Variants in JADE1 observed in about 807,000 individuals in gnomAD.
The protein encoded by JADE1 is jade family PHD finger 1, also known as protein Jade-1.
In JADE1, 14 loss-of-function variants were observed where a neutral mutation model predicts 81.8. The observed-to-expected ratio is 0.17, with a 90% CI of 0.11 to 0.27. The LOEUF is 0.27. Among genes scored for constraint, JADE1 ranks in the 10% least tolerant of loss-of-function variants. The pLI is 1.00. For missense variants in JADE1, 690 were observed against 1,047.9 expected, an observed-to-expected ratio of 0.66 and a Z score of 4.71; for synonymous variants, 353 against 391.9, an observed-to-expected ratio of 0.90 and a Z score of 1.17.
chr4:128,862,111 C>T lies in JADE1; in HGVS notation c.1389C>T (p.Asn463=). ...AGTTGAAGAGGAAGGTCAACTTCAA[C>T]AAGCCCCTGATCACCCCAAAGAAAG... ...YWKLKRKVNF[N]KPLITPKKDE... The change falls in exon 9 of 11, where the codon AAC becomes AAT. Residue 463 remains asparagine (N), a synonymous_variant. Coordinates refer to ENST00000226319, the MANE Select transcript of JADE1 (RefSeq NM_199320.4). 6.2e-7 allele frequency: 1 copy of T among 1,614,200 alleles called. No individual in the cohort carries two copies.
At chr4:128,842,361 G>A (rs1045033486) in intron 2 of JADE1, among the ~76,000 whole-genome samples, 7 of 150,722 alleles carry the variant, frequency 4.6e-5, no homozygotes, top group Non-Finnish European at 8.8e-5. Context: ...GTGCAGTGAC[G>A]CAGTCTCGGC....
chr4:128,840,721 G>A (rs535249527), intron 2 of JADE1, among the ~76,000 whole-genome samples: 24 of 152,194 alleles, frequency 1.6e-4, no homozygotes, highest in Non-Finnish European at 3.1e-4. Flanking sequence ...TCTGCAGGTT[G>A]GGCTCACCCC....
intron 6 of JADE1, among the ~76,000 whole-genome samples, chr4:128,853,431 T>C (rs1730535301): frequency 6.6e-6 from 1 of 152,212 alleles, no homozygotes; most frequent in Non-Finnish European, 1.5e-5. Flanking sequence ...GAAGACGATT[T>C]CCTGTCTTAA....
chr4:128,866,233 T>C (rs1239159293), intron 9 of JADE1, among the ~76,000 whole-genome samples: 1 of 152,236 alleles, frequency 6.6e-6, no homozygotes, highest in Non-Finnish European at 1.5e-5. Context: ...CCATGTAATA[T>C]TTACTATGAG....
chr4:128,873,256 G>GAAAAAAAAAAAAAAAAAAAAAAAA lies in JADE1; in HGVS notation c.*1010_*1011insAAAAAAAAAAAAAAAAAAAAAAAA, dbSNP rs1296724284. On this transcript the variant is annotated 3_prime_UTR_variant, in exon 11 of 11. Coordinates refer to ENST00000226319, the MANE Select transcript of JADE1 (RefSeq NM_199320.4). ...CATGAATGGATTCCTTAAGAAAAAG[G>GAAAAAAAAAAAAAAAAAAAAAAAA]AAAAAAAAAAAAAAAAGAAAAAAAG... 14 of 28,564 alleles carry GAAAAAAAAAAAAAAAAAAAAAAAA rather than the reference G, an allele frequency of 4.9e-4. No homozygotes were observed. Among genetic ancestry groups the GAAAAAAAAAAAAAAAAAAAAAAAA allele is most frequent in the African/African-American group, 7.1e-4 (6 of 8,414 alleles). 1.8% of individuals were successfully genotyped at this position (28,564 alleles called of 1,614,324 possible).
At chr4:128,849,251 C>A in intron 5 of JADE1, 84 bp downstream of exon 5, 1 of 1,213,226 alleles carries the variant, frequency 8.2e-7, no homozygotes. Context: ...CAGAAAGCTC[C>A]TTATTGCCAG....
At chr4:128,830,077 C>T (rs1385611632) in intron 1 of JADE1, among the ~76,000 whole-genome samples, 2 of 151,424 alleles carry the variant, frequency 1.3e-5, no homozygotes, top group Admixed American at 6.6e-5. Flanking sequence ...AGGGTTTCAC[C>T]GTGTTGGTCA....
Position 128,846,260 on chromosome 4 carries a change from T to C in JADE1, c.139-115T>C. The C allele has an allele frequency of 4.7e-6, 5 of 1,057,122 alleles. No homozygotes were observed. Among genetic ancestry groups the C allele is most frequent in the Non-Finnish European group, 7.1e-6 (5 of 707,092 alleles). 65.5% of individuals were successfully genotyped at this position (1,057,122 alleles called of 1,614,324 possible). On this transcript the variant is annotated intron_variant, in intron 3 of 10. Transcript: ENST00000226319. This position sits in a 1 kb window ranked among gnomAD's most constrained non-coding sequence, Gnocchi z 4.0. The stretch of plus-strand genomic sequence containing the variant: ...TTTCTGTAATAGGTCAGGCTTGTTC[T>C]ATGTTGATACAGTGACCTTGTTACA...
chr4:128,829,699 C>T (rs73846995), intron 1 of JADE1, among the ~76,000 whole-genome samples: 2,104 of 152,076 alleles, frequency 0.014, 48 homozygotes, highest in African/African-American at 0.047. Flanking sequence ...GAGAAAAAAC[C>T]CAAGAAGAGT....
At chr4:128,853,447 A>G (rs958851049) in intron 6 of JADE1, among the ~76,000 whole-genome samples, 1 of 152,218 alleles carries the variant, frequency 6.6e-6, no homozygotes, top group Non-Finnish European at 1.5e-5. Context: ...CTTAAAAAAC[A>G]GGACAGTAGG....
intron 6 of JADE1, among the ~76,000 whole-genome samples, chr4:128,852,603 A>G (rs1730449272): frequency 6.6e-6 from 1 of 152,254 alleles, no homozygotes; most frequent in Non-Finnish European, 1.5e-5. Context: ...TATTAAGAAC[A>G]CTGAGAAAAC....
intron 1 of JADE1, among the ~76,000 whole-genome samples, chr4:128,825,574 A>G (rs868429468): frequency 1.1e-4 from 17 of 152,150 alleles, no homozygotes; most frequent in South Asian, 2.1e-4. Context: ...GTGCCTTGCT[A>G]TCTCATGTGC....
At position 128,846,273 on chromosome 4, in the gene JADE1, T is replaced by G; in HGVS notation, c.139-102T>G. 8.5e-7 allele frequency: 1 copy of G among 1,177,216 alleles called. No individual in the cohort carries two copies. Among genetic ancestry groups the G allele is most frequent in the South Asian group, 1.4e-5 (1 of 73,126 alleles). The allele number at this position is 1,177,216 out of a possible 1,614,324, so 72.9% of individuals were successfully genotyped here. On this transcript the variant is annotated intron_variant, in intron 3 of 10. Coordinates refer to ENST00000226319, the MANE Select transcript of JADE1 (RefSeq NM_199320.4). This position sits in a 1 kb window ranked among gnomAD's most constrained non-coding sequence, Gnocchi z 4.0. ...TCAGGCTTGTTCTATGTTGATACAG[T>G]GACCTTGTTACATGGCAGCTCCATG... is the stretch of plus-strand genomic sequence containing the variant.
At chr4:128,809,913 G>GCGCGCCGCGCGTGTGTC (rs1408681482) in intron 1 of JADE1, 36 bp downstream of exon 1, 56 of 147,560 alleles carry the variant, frequency 3.8e-4, no homozygotes, top group African/African-American at 1.3e-3. Flanking sequence ...CGCGGGGTGG[G>GCGCGCCGCGCGTGTGTC]CGCGCCGCGC....
Position 128,849,076 on chromosome 4 carries a change from C to T in JADE1, c.393C>T (p.Ile131=). 1 of 1,614,114 alleles carries T rather than the reference C, an allele frequency of 6.2e-7. No homozygotes were observed. The highest frequency in any genetic ancestry group is 8.5e-7 in the Non-Finnish European group (1 of 1,180,038). Residue 131 remains isoleucine (I), a synonymous_variant, in exon 5 of 11, where the codon ATC becomes ATT. Transcript: ENST00000226319. ...SEPPELGYVD[I]RTLADSVCRY... ...CTCCCGAGTTGGGCTATGTGGACATCCGGACGCTGGCTGACAGCGTGTGTC... is the reference window on the plus strand; with the variant it reads ...CTCCCGAGTTGGGCTATGTGGACATTCGGACGCTGGCTGACAGCGTGTGTC...
intron 1 of JADE1, among the ~76,000 whole-genome samples, chr4:128,820,029 A>G (rs1190708302): frequency 6.6e-6 from 1 of 152,246 alleles, no homozygotes; most frequent in Non-Finnish European, 1.5e-5. Context: ...AAAGTAGGAA[A>G]GGTGGATTAA....
intron 6 of JADE1, among the ~76,000 whole-genome samples, chr4:128,853,913 C>T (rs1730579509): frequency 6.6e-6 from 1 of 152,178 alleles, no homozygotes; most frequent in African/African-American, 2.4e-5. Context: ...CCGTCTGTTG[C>T]TCTGGATCTC....
At chr4:128,868,381 T>C (rs1369383248) in intron 10 of JADE1, among the ~76,000 whole-genome samples, 1 of 152,222 alleles carries the variant, frequency 6.6e-6, no homozygotes, top group Admixed American at 6.5e-5. Context: ...GCTCTATCTG[T>C]AACATGGTAA....
intron 8 of JADE1, among the ~76,000 whole-genome samples, chr4:128,859,642 A>T (rs1266700017): frequency 6.6e-6 from 1 of 152,200 alleles, no homozygotes; most frequent in African/African-American, 2.4e-5. Context: ...GGCAGGAAAC[A>T]GGCTGCAGCA....
Sources: allele counts gnomAD v4.1 joint callset (sites outside exome capture counted in the v4.1 genomes callset), GRCh38; gene constraint gnomAD v4.1.1; non-coding constraint Gnocchi (gnomAD v3.1); transcripts MANE v1.5; gene names NCBI Gene and HGNC (gene_info 2026-07-23, HGNC 2026-07-21).